Variants in GRIN1 observed in about 807,000 individuals in gnomAD.
The protein encoded by GRIN1 is glutamate receptor ionotropic, NMDA 1.
Under a neutral mutation model 103.0 loss-of-function variants are expected in GRIN1, and 38 were observed. The observed-to-expected ratio is 0.37, with a 90% CI of 0.28 to 0.48. The LOEUF is 0.48. Among genes scored for constraint, GRIN1 ranks in the 20% least tolerant of loss-of-function variants. The pLI is 0.98. For synonymous variants in GRIN1, 544 were observed against 532.7 expected (o/e 1.02, Z -0.29); for missense variants, 577 against 1,288.9 (o/e 0.45, Z 8.46).
chr9:137,148,320 A>G, intron 3 of GRIN1: 1 of 720,998 alleles, frequency 1.4e-6, no homozygotes. Flanking sequence ...CGCAGGCCCA[A>G]GCAATGAGGA....
rs368931917 is a variant in GRIN1 at position 137,139,832 on chromosome 9, C to T, written c.258+88C>T. 462 of 1,068,292 alleles carry T rather than the reference C, an allele frequency of 4.3e-4. 3 individuals are homozygous for T. The African/African-American group carries it at 6.4e-3, about 15-fold the overall frequency. The allele number at this position is 1,068,292 out of a possible 1,614,324, so 66.2% of individuals were successfully genotyped here. ...AGTTTCATTCCATCCTTTCCGTGCC[C>T]CCTTCCTCCCTGTAAGACACCACCC... On this transcript the variant is annotated intron_variant, in intron 1 of 19. Coordinates refer to ENST00000371561, the MANE Select transcript of GRIN1 (RefSeq NM_007327.4). The surrounding 1 kb of genome is among the most constrained non-coding windows in gnomAD (Gnocchi z 7.7).
chr9:137,163,009 G>T lies in GRIN1; in HGVS notation c.2171+6G>T. The T allele has an allele frequency of 6.3e-7, 1 of 1,588,110 alleles. No individual in the cohort carries two copies. Among genetic ancestry groups the T allele is most frequent in the African/African-American group, 1.3e-5 (1 of 74,744 alleles). ...ATCCAGGCCGTGAGAGACAAGTGAG[G>T]CGCGGGCGGCCACCCTGGCGGGGCG... On this transcript the variant is annotated splice_donor_region_variant and intron_variant, in intron 15 of 19. Coordinates refer to ENST00000371561, the MANE Select transcript of GRIN1 (RefSeq NM_007327.4).
chr9:137,141,568 G>A lies in GRIN1; in HGVS notation c.259-445G>A, dbSNP rs146507667. 2.4e-3 allele frequency among the ~76,000 whole-genome samples: 358 copies of A among 152,264 alleles called. 3 individuals carry two copies. Among genetic ancestry groups the A allele is most frequent in the East Asian group, 7.7e-3 (40 of 5,178 alleles). ...TCCTAGCTGCTTCCCCCTGAAGTCC[G>A]GTACCACCCTTCAGAGCTGCCCGCC... is the stretch of plus-strand genomic sequence containing the variant. On this transcript the variant is annotated intron_variant, in intron 1 of 19. Coordinates refer to ENST00000371561, the MANE Select transcript of GRIN1 (RefSeq NM_007327.4).
rs1398958660 is a variant in GRIN1 at position 137,146,994 on chromosome 9, CACCCCAGTGCCCGACAGGCCCCT to C, written c.570+1093_570+1115del. On this transcript the variant is annotated intron_variant, in intron 3 of 19. Transcript: ENST00000371561. The surrounding 1 kb of genome is among the most constrained non-coding windows in gnomAD (Gnocchi z 6.7). The stretch of plus-strand genomic sequence containing the variant: ...GGGCCCCACCCAAGACAGTGCCCCT[CACCCCAGTGCCCGACAGGCCCCT>C]CCCCCCAGCGCCCGACAGGCCCCTC... 6.6e-6 allele frequency among the ~76,000 whole-genome samples: 1 copy of C among 150,994 alleles called. No individual in the cohort carries two copies. The highest frequency in any genetic ancestry group is 1.5e-5 in the Non-Finnish European group (1 of 67,538).
intron 4 of GRIN1, among the ~76,000 whole-genome samples, chr9:137,154,210 G>A (rs1346649019): frequency 1.4e-5 from 2 of 143,964 alleles, no homozygotes; most frequent in Non-Finnish European, 3.0e-5. Flanking sequence ...CTGCAACCTC[G>A]GCCTCCCAGG....
chr9:137,149,393 C>A (rs377060842), intron 4 of GRIN1, among the ~76,000 whole-genome samples: 3 of 152,218 alleles, frequency 2.0e-5, no homozygotes, highest in South Asian at 4.1e-4. Context: ...ATGGAAGAGA[C>A]CCTGCCCTTG....
intron 3 of GRIN1, among the ~76,000 whole-genome samples, chr9:137,147,550 C>T (rs1260894487): frequency 6.6e-6 from 1 of 152,258 alleles, no homozygotes; most frequent in Non-Finnish European, 1.5e-5. Flanking sequence ...CCTTCCCCAA[C>T]CTTCACAGGC....
intron 2 of GRIN1, among the ~76,000 whole-genome samples, chr9:137,144,740 A>C (rs185639921): frequency 0.018 from 1,739 of 94,146 alleles, 71 homozygotes; most frequent in African/African-American, 0.071. Context: ...GTGTGGGGAC[A>C]GGAGTGAGAG....
rs771610568 is a variant in GRIN1, at chr9:137,162,676, C to T, written c.1950C>T (p.Asn650=). Residue 650 remains asparagine, a synonymous_variant, in exon 14 of 20, where the codon AAC becomes AAT. Coordinates refer to ENST00000371561, the MANE Select transcript of GRIN1 (RefSeq NM_007327.4). ...TCATCGTGGCCTCCTACACCGCCAA[C>T]CTGGCGGCCTTCCTGGTGCTGGACC... is the stretch of plus-strand genomic sequence containing the variant. ...AMIIVASYTA[N]LAAFLVLDRP... is the part of the protein sequence containing the mutation. 1.9e-6 allele frequency: 3 copies of T among 1,611,242 alleles called. No homozygotes were observed. Among genetic ancestry groups the T allele is most frequent in the Non-Finnish European group, 2.5e-6 (3 of 1,179,096 alleles).
Position 137,162,292 on chromosome 9 carries a change from T to C in GRIN1, c.1751+2T>C. ...GCTGTACCTGCTGGACCGCTTCAGG[T>C]GAGCGCGACCCGGGGCTCAGACACC... On this transcript the variant is annotated splice_donor_variant, in intron 12 of 19. Coordinates refer to ENST00000371561, the MANE Select transcript of GRIN1 (RefSeq NM_007327.4). LOFTEE classifies it high-confidence loss of function. 6.5e-7 allele frequency: 1 copy of C among 1,548,766 alleles called. No homozygotes were observed. The highest frequency in any genetic ancestry group is 8.7e-7 in the Non-Finnish European group (1 of 1,151,742).
intron 15 of GRIN1, 79 bp downstream of exon 15, chr9:137,163,082 G>T (rs1322518301): frequency 1.3e-5 from 21 of 1,571,906 alleles, no homozygotes; most frequent in Non-Finnish European, 1.7e-5. Context: ...GCAGGAGAGC[G>T]TCCGGGCCGG....
At chr9:137,144,610 G>A (rs1832384811) in intron 2 of GRIN1, among the ~76,000 whole-genome samples, 1 of 149,152 alleles carries the variant, frequency 6.7e-6, no homozygotes, top group Non-Finnish European at 1.5e-5. Context: ...AGCCGAGATT[G>A]CACTCCAGCC....
Position 137,146,598 on chromosome 9 carries a change from G to A in GRIN1, c.570+696G>A, listed in dbSNP as rs532588327. Among the ~76,000 whole-genome samples the A allele has an allele frequency of 1.4e-4, 21 of 152,270 alleles. No homozygotes were observed. The highest frequency in any genetic ancestry group is 2.4e-4 in the Non-Finnish European group (16 of 68,030). On this transcript the variant is annotated intron_variant, in intron 3 of 19. Coordinates refer to ENST00000371561, the MANE Select transcript of GRIN1 (RefSeq NM_007327.4). The surrounding 1 kb of genome is among the most constrained non-coding windows in gnomAD (Gnocchi z 6.7). ...TGGGGCTGCAGAGAGATCAGAGCTG[G>A]GATTTGGGGGGGTCCGAGCGACCCC...
intron 2 of GRIN1, among the ~76,000 whole-genome samples, chr9:137,142,442 G>A (rs980831281): frequency 8.5e-5 from 13 of 152,150 alleles, no homozygotes; most frequent in Non-Finnish European, 1.5e-5. Context: ...CAAAGGGAGG[G>A]GGCACACATC....
chr9:137,164,089 C>A (rs1332245445), intron 18 of GRIN1, 185 bp downstream of exon 18: 1 of 737,176 alleles, frequency 1.4e-6, no homozygotes, highest in African/African-American at 1.7e-5. Flanking sequence ...GGGCTGCCTG[C>A]AGGTGGCTGC....
chr9:137,142,608 C>A (rs956440205), intron 2 of GRIN1, among the ~76,000 whole-genome samples: 7 of 152,222 alleles, frequency 4.6e-5, no homozygotes, highest in Non-Finnish European at 1.0e-4. Context: ...ACCAGTGACA[C>A]CCCCTCAGGA....
At chr9:137,163,985 A>ACTGG (rs1833713067) in intron 18 of GRIN1, 81 bp downstream of exon 18, 2 of 1,512,188 alleles carry the variant, frequency 1.3e-6, no homozygotes, top group Non-Finnish European at 9.2e-7. Flanking sequence ...AGGCCGTGGC[A>ACTGG]CTGGCTCTGG....
In GRIN1 at chr9:137,167,532, CCCCG is replaced by C; in HGVS notation, c.*13_*16del. ...TCCCGTCATAGGGAGAGCTGAGACT[CCCCG>C]CCCGCCCTCCTCTGCCCCCTCCCCC... On this transcript the variant is annotated 3_prime_UTR_variant, in exon 20 of 20. Coordinates refer to ENST00000371561, the MANE Select transcript of GRIN1 (RefSeq NM_007327.4). 2 of 1,542,982 alleles carry C rather than the reference CCCCG, an allele frequency of 1.3e-6. No homozygotes were observed. Among genetic ancestry groups the C allele is most frequent in the Non-Finnish European group, 1.8e-6 (2 of 1,139,746 alleles).
chr9:137,150,992 G>T (rs1435659122), intron 4 of GRIN1, among the ~76,000 whole-genome samples: 1 of 105,902 alleles, frequency 9.4e-6, no homozygotes, highest in Non-Finnish European at 1.8e-5. Context: ...GAAAAGACCC[G>T]CCCAGGGAAA....
Sources: gnomAD v4.1 joint callset for allele counts (sites outside exome capture counted in the v4.1 genomes callset) on GRCh38, gnomAD v4.1.1 for gene constraint, Gnocchi (gnomAD v3.1) non-coding constraint, MANE v1.5 for transcripts, NCBI Gene and HGNC (gene_info 2026-07-23, HGNC 2026-07-21) for gene names.